Variants in RGS17 observed in about 807,000 individuals in gnomAD.
The protein encoded by RGS17 is regulator of G protein signaling 17.
RGS17 carries 12 observed loss-of-function variants against 25.5 expected under a neutral mutation model. That is an observed-to-expected ratio of 0.47 (90% CI 0.30 to 0.76). The LOEUF is 0.76. Among genes scored for constraint, RGS17 ranks in the 30% least tolerant of loss-of-function variants. The pLI is 0.07. For synonymous variants in RGS17, 71 were observed against 76.9 expected, an observed-to-expected ratio of 0.92 and a Z score of 0.40; for missense variants, 196 against 242.2, an observed-to-expected ratio of 0.81 and a Z score of 1.27.
chr6:153,093,268 G>A (rs891999883), intron 1 of RGS17, among the ~76,000 whole-genome samples: 50 of 152,084 alleles, frequency 3.3e-4, no homozygotes, highest in South Asian at 2.1e-4. Flanking sequence ...TTTATGGTGC[G>A]TTCATGCTAT....
At chr6:153,057,788 GATC>G (rs1410938606) in intron 1 of RGS17, among the ~76,000 whole-genome samples, 2 of 152,156 alleles carry the variant, frequency 1.3e-5, no homozygotes, top group Non-Finnish European at 2.9e-5. Context: ...CACGACAACA[GATC>G]ATCAGGCATT....
intron 1 of RGS17, among the ~76,000 whole-genome samples, chr6:153,086,343 T>C (rs1168470418): frequency 1.3e-5 from 2 of 152,202 alleles, no homozygotes; most frequent in Admixed American, 1.3e-4. Flanking sequence ...TACTATTGTA[T>C]CACCAGGGTA....
chr6:153,052,820 G>T (rs565061955), intron 1 of RGS17, among the ~76,000 whole-genome samples: 3 of 152,252 alleles, frequency 2.0e-5, no homozygotes, highest in East Asian at 3.9e-4. Flanking sequence ...TAATCTCAGG[G>T]TGATATTAAG....
chr6:153,024,891 A>G (rs996103576), intron 3 of RGS17, among the ~76,000 whole-genome samples: 1 of 152,146 alleles, frequency 6.6e-6, no homozygotes, highest in Non-Finnish European at 1.5e-5. Context: ...TCTAATCAGG[A>G]TTTCAATTTT....
chr6:153,009,618 C>G lies in RGS17; in HGVS notation c.*1956G>C, dbSNP rs1177789234. On this transcript the variant is annotated 3_prime_UTR_variant, in exon 5 of 5. Coordinates refer to ENST00000206262, the MANE Select transcript of RGS17 (RefSeq NM_012419.5). ...ATATGTCTTAACACACTAACACTTT[C>G]AGAAAACACAGGCATTTGTTAAAAG... The G allele has an allele frequency of 1.3e-5, 2 of 151,788 alleles. No homozygotes were observed. The highest frequency in any genetic ancestry group is 4.1e-4 in the South Asian group (2 of 4,820). 9.4% of individuals were successfully genotyped at this position (151,788 alleles called of 1,614,324 possible).
rs1269522750 is a variant in RGS17 at position 153,011,250 on chromosome 6, AATG to A, written c.*321_*323del. 3.4e-5 allele frequency: 7 copies of A among 208,608 alleles called. No homozygotes were observed. The highest frequency in any genetic ancestry group is 1.9e-5 in the Non-Finnish European group (2 of 105,964). The allele number at this position is 208,608 out of a possible 1,614,324, so 12.9% of individuals were successfully genotyped here. ...TAAATATTACAACAACTATGTGGCA[AATG>A]AAGCATTTTACTTTGCACATGCAGT... On this transcript the variant is annotated 3_prime_UTR_variant, in exon 5 of 5. Transcript: ENST00000206262.
At chr6:153,026,012 G>C (rs1294756398) in intron 3 of RGS17, among the ~76,000 whole-genome samples, 1 of 152,082 alleles carries the variant, frequency 6.6e-6, no homozygotes, top group Non-Finnish European at 1.5e-5. Flanking sequence ...TCTCGTTTGG[G>C]AGGCAGCACG....
chr6:153,026,471 G>A lies in RGS17; in HGVS notation c.192C>T (p.Ile64=). 2 of 1,612,550 alleles carry A rather than the reference G, an allele frequency of 1.2e-6. No individual in the cohort carries two copies. The highest frequency in any genetic ancestry group is 1.7e-6 in the Non-Finnish European group (2 of 1,178,904). The change falls in exon 3 of 5, where the codon ATC becomes ATT. Residue 64 remains isoleucine, a synonymous_variant. Coordinates refer to ENST00000206262, the MANE Select transcript of RGS17 (RefSeq NM_012419.5). ...ACACTCACCATTCCTCTAGGACCTG[G>A]ATACTCTCCATTTTTGTAGTGTGTG... ...RPTHTTKMES[I]QVLEECQNPT...
At chr6:153,014,797 C>CAA (rs34132794) in intron 4 of RGS17, among the ~76,000 whole-genome samples, 42 of 97,164 alleles carry the variant, frequency 4.3e-4, no homozygotes, top group African/African-American at 1.1e-3. Flanking sequence ...GACTCCGTCT[C>CAA]AAAAAAAAAA....
At chr6:153,092,613 A>G (rs989644307) in intron 1 of RGS17, among the ~76,000 whole-genome samples, 1 of 152,222 alleles carries the variant, frequency 6.6e-6, no homozygotes, top group African/African-American at 2.4e-5. Flanking sequence ...GGGATGCCAC[A>G]AAACTAAAGT....
intron 2 of RGS17, among the ~76,000 whole-genome samples, chr6:153,041,376 G>A (rs1282507541): frequency 6.6e-6 from 1 of 152,162 alleles, no homozygotes; most frequent in Non-Finnish European, 1.5e-5. Flanking sequence ...TGTACCCAAT[G>A]TTTGGGGATC....
chr6:153,021,816 T>C (rs1403945451), intron 4 of RGS17, among the ~76,000 whole-genome samples: 1 of 152,200 alleles, frequency 6.6e-6, no homozygotes, highest in African/African-American at 2.4e-5. Context: ...GTTACGACAC[T>C]AAACATTAGT....
intron 1 of RGS17, among the ~76,000 whole-genome samples, chr6:153,060,873 A>T (rs1173876837): frequency 4.6e-5 from 7 of 152,232 alleles, no homozygotes; most frequent in Admixed American, 3.3e-4. Flanking sequence ...ACAACCATTT[A>T]AAAATTATTT....
At chr6:153,119,805 T>C (rs965036972) in intron 1 of RGS17, among the ~76,000 whole-genome samples, 3 of 152,226 alleles carry the variant, frequency 2.0e-5, no homozygotes, top group Non-Finnish European at 4.4e-5. Flanking sequence ...ACATTGAATA[T>C]GAAATGTGTT....
chr6:153,038,833 A>T (rs1169608023), intron 2 of RGS17, among the ~76,000 whole-genome samples: 1 of 152,196 alleles, frequency 6.6e-6, no homozygotes. Context: ...CACTGTTTTG[A>T]ATTACAGAGG....
intron 2 of RGS17, among the ~76,000 whole-genome samples, chr6:153,042,987 G>A (rs1445003482): frequency 6.6e-6 from 1 of 152,156 alleles, no homozygotes; most frequent in East Asian, 1.9e-4. Flanking sequence ...CTTGTAAACT[G>A]TATGTTAAAA....
chr6:153,025,324 A>AG (rs928486851), intron 3 of RGS17, among the ~76,000 whole-genome samples: 3 of 151,782 alleles, frequency 2.0e-5, no homozygotes, highest in African/African-American at 7.3e-5. Context: ...AAAAAAAAAA[A>AG]GGTTTTTTTC....
intron 2 of RGS17, among the ~76,000 whole-genome samples, chr6:153,027,705 G>A (rs760366085): frequency 1.3e-5 from 2 of 152,078 alleles, no homozygotes; most frequent in African/African-American, 4.8e-5. Context: ...GCCCAAAACC[G>A]AACACTAAAT....
At chr6:153,111,165 C>A (rs1025511295) in intron 1 of RGS17, among the ~76,000 whole-genome samples, 1 of 152,188 alleles carries the variant, frequency 6.6e-6, no homozygotes, top group Non-Finnish European at 1.5e-5. Context: ...CCCACCCCCA[C>A]GGAGCCCAGC....
Sources: allele counts gnomAD v4.1 joint callset (sites outside exome capture counted in the v4.1 genomes callset), GRCh38; gene constraint gnomAD v4.1.1; transcripts MANE v1.5; gene names NCBI Gene and HGNC (gene_info 2026-07-23, HGNC 2026-07-21).